The following USP6 variants were observed in gnomAD, a reference collection of about 807,000 sequenced individuals.
The protein encoded by USP6 is ubiquitin carboxyl-terminal hydrolase 6.
Under a neutral mutation model 175.7 loss-of-function variants are expected in USP6, and 128 were observed. That is an observed-to-expected ratio of 0.73 (90% CI 0.63 to 0.84). The LOEUF is 0.84. USP6 is among the 40% of genes least tolerant of loss of function. The pLI, the probability that USP6 is intolerant of heterozygous loss-of-function variation, is 0.00. For missense variants in USP6, 1,498 were observed against 1,760.3 expected, an observed-to-expected ratio of 0.85 and a Z score of 2.67; for synonymous variants, 562 against 630.6, an observed-to-expected ratio of 0.89 and a Z score of 1.63.
At chr17:5,146,539 C>A (rs956481906) in intron 28 of USP6, among the ~76,000 whole-genome samples, 1 of 152,082 alleles carries the variant, frequency 6.6e-6, no homozygotes, top group Non-Finnish European at 1.5e-5. Context: ...AGAATTCTTC[C>A]TAGGTTAAAG....
chr17:5,138,005 T>C, intron 20 of USP6, 116 bp from the exon 21 acceptor site: 2 of 1,574,600 alleles, frequency 1.3e-6, no homozygotes, highest in Non-Finnish European at 1.7e-6. Context: ...TCTGGATGCC[T>C]GGGGTGGCCA....
At chr17:5,123,911 A>G (rs950648271) in intron 4 of USP6, among the ~76,000 whole-genome samples, 1 of 137,814 alleles carries the variant, frequency 7.3e-6, no homozygotes, top group African/African-American at 2.8e-5. Context: ...GTGCGCACAC[A>G]CACACACGCA....
chr17:5,168,184 A>G lies in USP6; in HGVS notation c.3228+61A>G, dbSNP rs951155106. 96 of 1,493,208 alleles carry G rather than the reference A, an allele frequency of 6.4e-5. 1 individual carries two copies. The highest frequency in any genetic ancestry group is 7.9e-5 in the Non-Finnish European group (88 of 1,115,092). The allele number at this position is 1,493,208 out of a possible 1,614,324, so 92.5% of individuals were successfully genotyped here. On this transcript the variant is annotated intron_variant, in intron 34 of 37. Transcript: ENST00000574788. ...CTAGCATAAAAGAAAGAAGACATGA[A>G]CAAACAGGAGGTTTTGTTATTTTTG...
intron 33 of USP6, among the ~76,000 whole-genome samples, chr17:5,167,623 T>C (rs1304015656): frequency 6.6e-6 from 1 of 152,072 alleles, no homozygotes; most frequent in African/African-American, 2.4e-5. Context: ...GCAATCCTCC[T>C]GAGTAGCTGG....
rs559111215 is a variant in USP6, at chr17:5,142,421, G to T, written c.1737G>T (p.Gly579=). The change falls in exon 25 of 38, where the codon GGG becomes GGT. Residue 579 remains glycine, a synonymous_variant. Transcript: ENST00000574788. The stretch of plus-strand genomic sequence containing the variant: ...GGACAAATCCCATTGGTATGAAGGG[G>T]CATATGGCTAAATGCTATGGTGATT... ...LNRTNPIGMK[G]HMAKCYGDLV... is the part of the protein sequence containing the mutation. 10 of 1,613,884 alleles carry T rather than the reference G, an allele frequency of 6.2e-6. No individual in the cohort carries two copies. The African/African-American group carries it at 1.2e-4, about 19-fold the overall frequency.
At position 5,155,480 on chromosome 17, in the gene USP6, T is replaced by G; in HGVS notation, c.2702T>G (p.Met901Arg). Residue 901 changes from methionine (M) to arginine (R), a missense_variant, in exon 31 of 38, where the codon ATG becomes AGG. Around this residue, in one of 2 missense-constraint regions of USP6, gnomAD observed 1,217 missense variants for 1,500.8 expected, o/e 0.81. Coordinates refer to ENST00000574788, the MANE Select transcript of USP6 (RefSeq NM_001304284.2). ...PQENRPSLFG[M>R]PLIVPCTVHT... ...GAGAATCGCCCCAGCCTCTTTGGAA[T>G]GCCATTGATTGTTCCATGCACTGTG... 6.2e-7 allele frequency: 1 copy of G among 1,614,168 alleles called. No homozygotes were observed. The highest frequency in any genetic ancestry group is 1.3e-5 in the African/African-American group (1 of 75,052).
rs1397956781 is a variant in USP6, at chr17:5,141,508, C to G, written c.1573+9C>G. 1 of 1,575,784 alleles carries G rather than the reference C, an allele frequency of 6.3e-7. No individual in the cohort carries two copies. The highest frequency in any genetic ancestry group is 8.6e-7 in the Non-Finnish European group (1 of 1,159,640). ...AATAGATAGACAAAAGGGTAAGTCT[C>G]CAGTATTATTTTTTAAAGAGATTAT... On this transcript the variant is annotated intron_variant, in intron 23 of 37. Coordinates refer to ENST00000574788, the MANE Select transcript of USP6 (RefSeq NM_001304284.2).
chr17:5,153,047 A>C (rs2073808364), intron 30 of USP6, among the ~76,000 whole-genome samples: 1 of 152,206 alleles, frequency 6.6e-6, no homozygotes. Flanking sequence ...AAATATAAAA[A>C]CTTTTAAAAC....
Position 5,145,459 on chromosome 17 carries a change from G to A in USP6, c.2047G>A (p.Gly683Arg), listed in dbSNP as rs765340660. The change falls in exon 27 of 38, where the codon GGG (glycine) becomes AGG (arginine). Residue 683 changes from glycine (G) to arginine (R), a missense_variant. Gly to Arg is a moderately radical substitution (Grantham distance 125). Around this residue, in one of 2 missense-constraint regions of USP6, gnomAD observed 1,217 missense variants for 1,500.8 expected, o/e 0.81. Transcript: ENST00000574788. The stretch of plus-strand genomic sequence containing the variant: ...ATCAATTATTGTGGATTTGTTCCAT[G>A]GGCAGCTAAGATCTCAAGTCAAATG... ...NRSIIVDLFH[G>R]QLRSQVKCKT... is the part of the protein sequence containing the mutation. The A allele has an allele frequency of 6.2e-7, 1 of 1,612,814 alleles. No individual in the cohort carries two copies. Among genetic ancestry groups the A allele is most frequent in the Admixed American group, 1.7e-5 (1 of 59,798 alleles).
At chr17:5,153,345 G>A (rs976581956) in intron 30 of USP6, among the ~76,000 whole-genome samples, 6 of 152,222 alleles carry the variant, frequency 3.9e-5, no homozygotes, top group African/African-American at 1.4e-4. Flanking sequence ...GGAGTGCAGT[G>A]GCACGATCTC....
At chr17:5,158,353 C>T (rs1161995881) in intron 31 of USP6, among the ~76,000 whole-genome samples, 7 of 151,918 alleles carry the variant, frequency 4.6e-5, no homozygotes, top group African/African-American at 7.3e-5. Flanking sequence ...GATCACTTGA[C>T]GCCAGGAGAT....
Position 5,138,185 on chromosome 17 carries a change from C to A in USP6, c.990C>A (p.Thr330=), listed in dbSNP as rs1314699951. ...GTCTGCGGAACCAATTCTTCGATAC[C>A]TGGGCCATGAACGATGACACCGTGC... The part of the protein sequence containing the change: ...WARLRNQFFD[T]WAMNDDTVLK... The change falls in exon 21 of 38, where the codon ACC becomes ACA. Residue 330 remains threonine, a synonymous_variant. Transcript: ENST00000574788. 6.2e-7 allele frequency: 1 copy of A among 1,614,094 alleles called. No individual in the cohort carries two copies. The highest frequency in any genetic ancestry group is 1.1e-5 in the South Asian group (1 of 91,086).
chr17:5,158,665 G>T lies in USP6; in HGVS notation c.2829-2863G>T, dbSNP rs570884247. 2.3e-5 allele frequency among the ~76,000 whole-genome samples: 3 copies of T among 129,410 alleles called. No homozygotes were observed. In the East Asian group the frequency reaches 7.4e-4, roughly 32 times the overall value. 84.9% of individuals were successfully genotyped at this position (129,410 alleles called of 152,430 possible). On this transcript the variant is annotated intron_variant, in intron 31 of 37. Coordinates refer to ENST00000574788, the MANE Select transcript of USP6 (RefSeq NM_001304284.2). Reference sequence around the variant, plus strand: ...AGAGAGAGAGAGAGAGAGAGAGAGAGAGAGAGATTGAGAAGAAGCAGCCCG... The same window carrying T: ...AGAGAGAGAGAGAGAGAGAGAGAGATAGAGAGATTGAGAAGAAGCAGCCCG...
In USP6 at chr17:5,138,115, C is replaced by T. The variant is rs1157689070; in HGVS notation, c.926-6C>T. On this transcript the variant is annotated splice_region_variant and splice_polypyrimidine_tract_variant and intron_variant, in intron 20 of 37. Coordinates refer to ENST00000574788, the MANE Select transcript of USP6 (RefSeq NM_001304284.2). ...TCTCCTGGCCTGATATCCACCCTGT[C>T]CCTAGAGCGCCTCATGAAGACATCC... The T allele has an allele frequency of 6.2e-7, 1 of 1,614,046 alleles. No individual in the cohort carries two copies. Among genetic ancestry groups the T allele is most frequent in the South Asian group, 1.1e-5 (1 of 91,090 alleles).
intron 17 of USP6, among the ~76,000 whole-genome samples, chr17:5,136,306 C>T (rs1204052277): frequency 6.6e-6 from 1 of 152,230 alleles, no homozygotes; most frequent in African/African-American, 2.4e-5. Flanking sequence ...GTGGCAGCAT[C>T]TCACCATCCC....
chr17:5,137,034 C>T, intron 18 of USP6, 87 bp from the exon 19 acceptor site: 2 of 1,427,384 alleles, frequency 1.4e-6, no homozygotes, highest in Non-Finnish European at 2.0e-6. Context: ...GTGTTCTGCA[C>T]TAGGGGAAAG....
chr17:5,134,160 G>A (rs966868147), intron 15 of USP6, 164 bp downstream of exon 15: 5 of 714,580 alleles, frequency 7.0e-6, no homozygotes, highest in South Asian at 1.8e-5. Context: ...CACCTCCCTG[G>A]TTCCAAGCCC....
At chr17:5,130,291 A>T in intron 9 of USP6, 76 bp from the exon 10 acceptor site, 1 of 1,467,578 alleles carries the variant, frequency 6.8e-7, no homozygotes, top group Non-Finnish European at 9.5e-7. Flanking sequence ...AGCATCTGGG[A>T]GCCCGGTGGG....
intron 36 of USP6, among the ~76,000 whole-genome samples, chr17:5,171,330 C>T (rs924653024): frequency 2.6e-5 from 4 of 151,942 alleles, no homozygotes; most frequent in African/African-American, 7.3e-5. Flanking sequence ...ATAGAGCAAG[C>T]CCCTGTCTCA....
Sources: gnomAD v4.1 joint callset for allele counts (sites outside exome capture counted in the v4.1 genomes callset) on GRCh38, gnomAD v4.1.1 for gene constraint, gnomAD v4.1.1 regional missense constraint, MANE v1.5 for transcripts, NCBI Gene and HGNC (gene_info 2026-07-23, HGNC 2026-07-21) for gene names.